BCKDK: variants seen among roughly 807,000 people sequenced by gnomAD.
BCKDK encodes the protein branched-chain alpha-ketoacid dehydrogenase kinase.
In BCKDK, 28 loss-of-function variants were observed where a neutral mutation model predicts 43.9. The observed-to-expected ratio is 0.64, with a 90% CI of 0.47 to 0.87. BCKDK has a LOEUF of 0.87. Among genes scored for constraint, BCKDK ranks in the 40% least tolerant of loss-of-function variants. The pLI is 0.00. For missense variants in BCKDK, 483 were observed against 581.4 expected (o/e 0.83, Z 1.74); for synonymous variants, 257 against 234.3 (o/e 1.10, Z -0.88).
In BCKDK at chr16:31,111,955, A is replaced by G; in HGVS notation, c.1022A>G (p.Gln341Arg). ...YHFTTAEAST[Q>R]DPRISPLFGH... ...TTCACTACTGCTGAGGCCAGCACAC[A>G]GGACCCCCGGATCAGCCCCCTCTTT... The change falls in exon 11 of 12, where the codon CAG becomes CGG. Residue 341 changes from glutamine to arginine, a missense_variant. By Grantham distance (43) the Gln-to-Arg change is conservative. Transcript: ENST00000219794. 6.2e-7 allele frequency: 1 copy of G among 1,614,140 alleles called. No individual in the cohort carries two copies. The highest frequency in any genetic ancestry group is 8.5e-7 in the Non-Finnish European group (1 of 1,180,014).
chr16:31,112,008 CA>C lies in BCKDK; in HGVS notation c.1076del (p.Gln359ArgfsTer145). ...FGHLDMHSGA[Q>X]SGPMHGFGFG... ...CCATCTGGACATGCATAGTGGCGCCCAGTCAGGACCCATGCACGGGTGAGAC... is the reference window on the plus strand; with the variant it reads ...CCATCTGGACATGCATAGTGGCGCCCGTCAGGACCCATGCACGGGTGAGAC... On this transcript the variant is annotated frameshift_variant, in exon 11 of 12. Transcript: ENST00000219794. LOFTEE classifies it high-confidence loss of function. This position sits in a 1 kb window ranked among gnomAD's most constrained non-coding sequence, Gnocchi z 5.0. 6.2e-7 allele frequency: 1 copy of C among 1,614,108 alleles called. No homozygotes were observed. Among genetic ancestry groups the C allele is most frequent in the Non-Finnish European group, 8.5e-7 (1 of 1,180,018 alleles).
chr16:31,111,442 CTG>C, intron 10 of BCKDK, 53 bp downstream of exon 10: 1 of 1,571,576 alleles, frequency 6.4e-7, no homozygotes, highest in Non-Finnish European at 8.8e-7. Context: ...GGTCTAGGCA[CTG>C]TTTCTGACTT....
At chr16:31,115,765 C>G (rs1377709063), downstream of BCKDK, 2 of 151,940 alleles carry the variant, frequency 1.3e-5, no homozygotes, top group African/African-American at 4.8e-5. Context: ...AACTCCTGGC[C>G]TGAAGCGATC....
Position 31,109,722 on chromosome 16 carries a change from G to A in BCKDK, c.314G>A (p.Arg105His), listed in dbSNP as rs1179017145. 6.2e-6 allele frequency: 10 copies of A among 1,613,850 alleles called. No homozygotes were observed. The highest frequency in any genetic ancestry group is 3.3e-5 in the Admixed American group (2 of 60,012). ...QQELPVRIAH[R>H]IKGFRCLPFI... ...GAACTTCCAGTGAGGATTGCTCACC[G>A]CATCAAGGGCTTCCGCTGCCTTCCT... The change falls in exon 4 of 12, where the codon CGC (arginine) becomes CAC (histidine). Residue 105 changes from arginine to histidine, a missense_variant. Coordinates refer to ENST00000219794, the MANE Select transcript of BCKDK (RefSeq NM_005881.4). The surrounding 1 kb of genome is among the most constrained non-coding windows in gnomAD (Gnocchi z 5.3).
downstream of BCKDK, among the ~76,000 whole-genome samples, chr16:31,114,713 C>T (rs1448165619): frequency 3.9e-5 from 6 of 152,124 alleles, no homozygotes; most frequent in South Asian, 2.1e-4. Flanking sequence ...ATAGTTCAAC[C>T]GTTACATAGT....
Position 31,110,708 on chromosome 16 carries a change from C to A in BCKDK, c.663C>A (p.Ile221=). The A allele has an allele frequency of 6.2e-7, 1 of 1,614,142 alleles. No homozygotes were observed. Among genetic ancestry groups the A allele is most frequent in the Non-Finnish European group, 8.5e-7 (1 of 1,180,020 alleles). ...HEDKPDFVGI[I]CTRLSPKKII... ...GCCAGCCTGACTTTGTCGGCATCAT[C>A]TGTACTCGTCTCTCACCAAAGAAGA... The change falls in exon 8 of 12, where the codon ATC becomes ATA. Residue 221 remains isoleucine, a synonymous_variant. Coordinates refer to ENST00000219794, the MANE Select transcript of BCKDK (RefSeq NM_005881.4). This position sits in a 1 kb window ranked among gnomAD's most constrained non-coding sequence, Gnocchi z 5.4.
Position 31,112,291 on chromosome 16 carries a change from C to A in BCKDK, c.*26C>A. On this transcript the variant is annotated 3_prime_UTR_variant, in exon 12 of 12. Coordinates refer to ENST00000219794, the MANE Select transcript of BCKDK (RefSeq NM_005881.4). The surrounding 1 kb of genome is among the most constrained non-coding windows in gnomAD (Gnocchi z 5.0). ...CCCCACAGCCTTTGGCCTGCTCACC[C>A]GACCAGCCTGGGCCGCATTCCCTGC... 6.2e-7 allele frequency: 1 copy of A among 1,604,420 alleles called. No homozygotes were observed. The highest frequency in any genetic ancestry group is 8.5e-7 in the Non-Finnish European group (1 of 1,179,884).
rs140938972 is a variant in BCKDK, at chr16:31,111,292, C to T, written c.846-8C>T. On this transcript the variant is annotated splice_region_variant and splice_polypyrimidine_tract_variant and intron_variant, in intron 9 of 11. Coordinates refer to ENST00000219794, the MANE Select transcript of BCKDK (RefSeq NM_005881.4). The stretch of plus-strand genomic sequence containing the variant: ...GCTTGTACCTACTGGTCTTTCCCCT[C>T]TGCATAGAGCCACAATGGAGAGTCA... 69 of 1,614,174 alleles carry T rather than the reference C, an allele frequency of 4.3e-5. No homozygotes were observed. The East Asian group carries it at 1.4e-3, about 34-fold the overall frequency.
chr16:31,110,400 G>A lies in BCKDK; in HGVS notation c.544-1G>A. 6.2e-7 allele frequency: 1 copy of A among 1,613,994 alleles called. No homozygotes were observed. Among genetic ancestry groups the A allele is most frequent in the Non-Finnish European group, 8.5e-7 (1 of 1,180,018 alleles). On this transcript the variant is annotated splice_acceptor_variant, in intron 6 of 11. Coordinates refer to ENST00000219794, the MANE Select transcript of BCKDK (RefSeq NM_005881.4). LOFTEE classifies it high-confidence loss of function. The surrounding 1 kb of genome is among the most constrained non-coding windows in gnomAD (Gnocchi z 5.4). ...GGATTCTGAGACCTCACTCTTTACA[G>A]GATGAAAAGCTCGTCCGCTACTTCT...
At position 31,112,287 on chromosome 16, in the gene BCKDK, C is replaced by A; in HGVS notation, c.*22C>A. 6.2e-7 allele frequency: 1 copy of A among 1,604,962 alleles called. No homozygotes were observed. ...CTGACCCCACAGCCTTTGGCCTGCT[C>A]ACCCGACCAGCCTGGGCCGCATTCC... On this transcript the variant is annotated 3_prime_UTR_variant, in exon 12 of 12. Transcript: ENST00000219794. The surrounding 1 kb of genome is among the most constrained non-coding windows in gnomAD (Gnocchi z 5.0).
chr16:31,116,447 TC>T (rs1219434804), downstream of BCKDK, among the ~76,000 whole-genome samples: 1 of 151,526 alleles, frequency 6.6e-6, no homozygotes, highest in African/African-American at 2.4e-5. Flanking sequence ...TCCGCCCGCC[TC>T]GGCCTCTCAA....
At position 31,108,542 on chromosome 16, in the gene BCKDK, C is replaced by T. The variant is rs958923667; in HGVS notation, c.-178+63C>T. 1.3e-5 allele frequency: 2 copies of T among 152,310 alleles called. No individual in the cohort carries two copies. Among genetic ancestry groups the T allele is most frequent in the Admixed American group, 1.3e-4 (2 of 15,308 alleles). 9.4% of individuals were successfully genotyped at this position (152,310 alleles called of 1,614,324 possible). On this transcript the variant is annotated intron_variant, in intron 1 of 11. Coordinates refer to ENST00000219794, the MANE Select transcript of BCKDK (RefSeq NM_005881.4). This position sits in a 1 kb window ranked among gnomAD's most constrained non-coding sequence, Gnocchi z 6.2. ...GCCCCGCGGCGCACGTCCGCAGCCT[C>T]CATCACAGCGCGGGCGCGCAGACGG... is the stretch of plus-strand genomic sequence containing the variant.
In BCKDK at chr16:31,110,658, G is replaced by A. The variant is rs745889690; in HGVS notation, c.643-30G>A. 3 of 1,611,330 alleles carry A rather than the reference G, an allele frequency of 1.9e-6. No homozygotes were observed. Among genetic ancestry groups the A allele is most frequent in the Non-Finnish European group, 2.5e-6 (3 of 1,177,576 alleles). Reference sequence around the variant, plus strand: ...CATCTTGGGGTGGGGCTAGGGGCGTGGGTAGTCCTGACCTCCTTTCTCCGG... The same window carrying A: ...CATCTTGGGGTGGGGCTAGGGGCGTAGGTAGTCCTGACCTCCTTTCTCCGG... On this transcript the variant is annotated intron_variant, in intron 7 of 11. Coordinates refer to ENST00000219794, the MANE Select transcript of BCKDK (RefSeq NM_005881.4). The surrounding 1 kb of genome is among the most constrained non-coding windows in gnomAD (Gnocchi z 5.4).
Position 31,108,869 on chromosome 16 carries a change from G to T in BCKDK, c.-177-178G>T. ...CCACCGCCAGTAGAGCCTCGGGTTG[G>T]GGAATAGAAGCCCCCGGGAGGCTAG... On this transcript the variant is annotated intron_variant, in intron 1 of 11. Coordinates refer to ENST00000219794, the MANE Select transcript of BCKDK (RefSeq NM_005881.4). The surrounding 1 kb of genome is among the most constrained non-coding windows in gnomAD (Gnocchi z 6.2). 5.6e-6 allele frequency: 1 copy of T among 178,576 alleles called. No homozygotes were observed. Among genetic ancestry groups the T allele is most frequent in the Non-Finnish European group, 1.2e-5 (1 of 85,480 alleles). 11.1% of individuals were successfully genotyped at this position (178,576 alleles called of 1,614,324 possible). A position where few individuals can be genotyped will look rare whatever the true frequency, so the allele number is the denominator to read the frequency against.
At position 31,111,994 on chromosome 16, in the gene BCKDK, T is replaced by C; in HGVS notation, c.1061T>C (p.Met354Thr). Residue 354 changes from methionine to threonine, a missense_variant, in exon 11 of 12, where the codon ATG becomes ACG. Coordinates refer to ENST00000219794, the MANE Select transcript of BCKDK (RefSeq NM_005881.4). The stretch of plus-strand genomic sequence containing the variant: ...AGCCCCCTCTTTGGCCATCTGGACA[T>C]GCATAGTGGCGCCCAGTCAGGACCC... ...RISPLFGHLD[M>T]HSGAQSGPMH... is the part of the protein sequence containing the mutation. The C allele has an allele frequency of 1.2e-6, 2 of 1,613,958 alleles. No individual in the cohort carries two copies. The highest frequency in any genetic ancestry group is 1.7e-6 in the Non-Finnish European group (2 of 1,179,986).
rs937650508 is a variant in BCKDK, at chr16:31,112,167, G to A, written c.1141G>A (p.Gly381Ser). 1.5e-5 allele frequency: 25 copies of A among 1,613,518 alleles called. No individual in the cohort carries two copies. The highest frequency in any genetic ancestry group is 1.9e-5 in the Non-Finnish European group (23 of 1,180,016). Reference sequence around the variant, plus strand: ...GTCACGGGCCTACGCGGAGTACCTCGGTGGGTCTCTGCAGCTGCAGTCCCT... The same window carrying A: ...GTCACGGGCCTACGCGGAGTACCTCAGTGGGTCTCTGCAGCTGCAGTCCCT... ...PTSRAYAEYL[G>S]GSLQLQSLQG... is the part of the protein sequence containing the mutation. The change falls in exon 12 of 12, where the codon GGT becomes AGT. Residue 381 changes from glycine (G) to serine (S), a missense_variant. Physicochemically the swap from Gly to Ser is moderately conservative, Grantham distance 56. Transcript: ENST00000219794. This position sits in a 1 kb window ranked among gnomAD's most constrained non-coding sequence, Gnocchi z 5.0.
chr16:31,116,699 C>T (rs2057448131), downstream of BCKDK, among the ~76,000 whole-genome samples: 5 of 144,410 alleles, frequency 3.5e-5, no homozygotes, highest in Admixed American at 3.5e-4. Flanking sequence ...GGCGGATCAC[C>T]TGAGGTCAGG....
In BCKDK at chr16:31,108,952, T is replaced by G; in HGVS notation, c.-177-95T>G. ...AGACGGTGGGAGTGGTGGGGAGAGG[T>G]CGCCCGGGTCTGGGGAGACCGATGC... On this transcript the variant is annotated intron_variant, in intron 1 of 11. Transcript: ENST00000219794. The surrounding 1 kb of genome is among the most constrained non-coding windows in gnomAD (Gnocchi z 6.2). 3.2e-6 allele frequency: 1 copy of G among 315,906 alleles called. No individual in the cohort carries two copies. Among genetic ancestry groups the G allele is most frequent in the Non-Finnish European group, 5.8e-6 (1 of 171,786 alleles). The allele number at this position is 315,906 out of a possible 1,614,324, so 19.6% of individuals were successfully genotyped here. A position where few individuals can be genotyped will look rare whatever the true frequency, so the allele number is the denominator to read the frequency against.
In BCKDK at chr16:31,110,043, C is replaced by A. The variant is rs772489972; in HGVS notation, c.376-34C>A. The A allele has an allele frequency of 1.2e-6, 2 of 1,613,928 alleles. No individual in the cohort carries two copies. Among genetic ancestry groups the A allele is most frequent in the Non-Finnish European group, 1.7e-6 (2 of 1,179,950 alleles). On this transcript the variant is annotated intron_variant, in intron 4 of 11. Transcript: ENST00000219794. This position sits in a 1 kb window ranked among gnomAD's most constrained non-coding sequence, Gnocchi z 5.4. ...GGCTGTTCTCTGCTCAGTGCCCATG[C>A]GGCTTTGTGAATTCCCACACCTCTT...
Sources: gnomAD v4.1 joint callset for allele counts (sites outside exome capture counted in the v4.1 genomes callset) on GRCh38, gnomAD v4.1.1 for gene constraint, Gnocchi (gnomAD v3.1) non-coding constraint, MANE v1.5 for transcripts, NCBI Gene and HGNC (gene_info 2026-07-23, HGNC 2026-07-21) for gene names.